SERINC5: variants seen among roughly 807,000 people sequenced by gnomAD.
SERINC5 encodes the protein serine incorporator 5, also known as chromosome 5 open reading frame 12.
In SERINC5, 41 loss-of-function variants were observed where a neutral mutation model predicts 63.1. The observed-to-expected ratio is 0.65, with a 90% CI of 0.51 to 0.84. The LOEUF is 0.84. Among genes scored for constraint, SERINC5 ranks in the 40% least tolerant of loss-of-function variants. SERINC5 has a pLI of 0.00. For missense variants in SERINC5, 523 were observed against 573.0 expected (o/e 0.91, Z 0.89); for synonymous variants, 222 against 215.2 (o/e 1.03, Z -0.28).
chr5:80,140,600 C>A lies in SERINC5; in HGVS notation c.*3063G>T. On this transcript the variant is annotated 3_prime_UTR_variant, in exon 12 of 12. Coordinates refer to ENST00000507668, the MANE Select transcript of SERINC5 (RefSeq NM_001174072.3). ...AAACTGTGGGCAAAAATAAAACTAA[C>A]CAATCAGTATTTAAAAAGCTAGACA... is the stretch of plus-strand genomic sequence containing the variant. 1.0e-6 allele frequency: 1 copy of A among 984,622 alleles called. No individual in the cohort carries two copies. Among genetic ancestry groups the A allele is most frequent in the Non-Finnish European group, 1.2e-6 (1 of 829,824 alleles). The allele number at this position is 984,622 out of a possible 1,614,324, so 61.0% of individuals were successfully genotyped here.
At chr5:80,242,070 A>G (rs1031531022) in intron 1 of SERINC5, among the ~76,000 whole-genome samples, 1 of 152,010 alleles carries the variant, frequency 6.6e-6, no homozygotes, top group African/African-American at 2.4e-5. Flanking sequence ...CATTGAAGGT[A>G]TAGTGAGCTG....
At chr5:80,191,353 G>A (rs6859002) in intron 2 of SERINC5, among the ~76,000 whole-genome samples, 53,392 of 151,468 alleles carry the variant, frequency 0.35, 10,146 homozygotes, top group East Asian at 0.8. Context: ...ATAAAAAGAT[G>A]ACTGGCTGGG....
chr5:80,227,372 T>C (rs1751215326), intron 1 of SERINC5, among the ~76,000 whole-genome samples: 1 of 152,138 alleles, frequency 6.6e-6, no homozygotes, highest in African/African-American at 2.4e-5. Flanking sequence ...AGATAGGAAC[T>C]CAGTCAGCCA....
intron 2 of SERINC5, among the ~76,000 whole-genome samples, chr5:80,179,254 G>A (rs754131417): frequency 6.6e-5 from 10 of 152,104 alleles, no homozygotes; most frequent in African/African-American, 1.2e-4. Context: ...AGCCGAGATC[G>A]TGACACTGCA....
At chr5:80,172,198 T>G (rs1314924230) in intron 5 of SERINC5, among the ~76,000 whole-genome samples, 1 of 151,878 alleles carries the variant, frequency 6.6e-6, no homozygotes, top group East Asian at 1.9e-4. Context: ...GGCGTGGTGG[T>G]GCATGCCTGT....
At chr5:80,166,160 T>C (rs571946785) in intron 7 of SERINC5, among the ~76,000 whole-genome samples, 21 of 152,194 alleles carry the variant, frequency 1.4e-4, no homozygotes, top group Non-Finnish European at 2.2e-4. Context: ...AATTTGACTA[T>C]AGTCACCCTG....
In SERINC5 at chr5:80,140,920, G is replaced by A. The variant is rs187094713; in HGVS notation, c.*2743C>T. On this transcript the variant is annotated 3_prime_UTR_variant, in exon 12 of 12. Coordinates refer to ENST00000507668, the MANE Select transcript of SERINC5 (RefSeq NM_001174072.3). The stretch of plus-strand genomic sequence containing the variant: ...GGTCATGTACAAAAAGGTGTAGGAA[G>A]CAAATGTCTATTATTTTTAAAAGAT... 4.8e-5 allele frequency: 47 copies of A among 985,218 alleles called. No individual in the cohort carries two copies. In the Admixed American group the frequency reaches 6.1e-4, roughly 13 times the overall value. The allele number at this position is 985,218 out of a possible 1,614,324, so 61.0% of individuals were successfully genotyped here. A position where few individuals can be genotyped will look rare whatever the true frequency, so the allele number is the denominator to read the frequency against.
chr5:80,229,483 C>A (rs1279754900), intron 1 of SERINC5, among the ~76,000 whole-genome samples: 1 of 151,526 alleles, frequency 6.6e-6, no homozygotes, highest in East Asian at 1.9e-4. Flanking sequence ...AGAATTTGAA[C>A]TCACCTACAT....
chr5:80,150,187 G>T (rs1426531649), intron 9 of SERINC5, among the ~76,000 whole-genome samples: 1 of 152,150 alleles, frequency 6.6e-6, no homozygotes, highest in African/African-American at 2.4e-5. Context: ...CAGCCACGCT[G>T]TGTATGGAGG....
chr5:80,118,714 ATTT>A (rs34814066), intron 11 of SERINC5, among the ~76,000 whole-genome samples: 6 of 108,232 alleles, frequency 5.5e-5, no homozygotes, highest in Middle Eastern at 5.1e-3. Context: ...TGTCCAGCTA[ATTT>A]TTTTTTTTTT....
At chr5:80,164,908 C>CTTTTTTT (rs1747171665) in intron 7 of SERINC5, among the ~76,000 whole-genome samples, 22 of 89,980 alleles carry the variant, frequency 2.4e-4, no homozygotes, top group African/African-American at 1.0e-3. Flanking sequence ...AACTTTTTTT[C>CTTTTTTT]TGTTTTTTTT....
intron 8 of SERINC5, among the ~76,000 whole-genome samples, chr5:80,155,951 C>T (rs1397990505): frequency 6.6e-6 from 1 of 151,900 alleles, no homozygotes; most frequent in Non-Finnish European, 1.5e-5. Flanking sequence ...AGGCTACAAA[C>T]ATTAAAACAT....
At chr5:80,117,338 C>T (rs1438166860) in intron 11 of SERINC5, among the ~76,000 whole-genome samples, 1 of 152,082 alleles carries the variant, frequency 6.6e-6, no homozygotes, top group Non-Finnish European at 1.5e-5. Flanking sequence ...TTGGCACCTA[C>T]CTCATAGAAT....
In SERINC5 at chr5:80,140,836, C is replaced by G; in HGVS notation, c.*2827G>C. On this transcript the variant is annotated 3_prime_UTR_variant, in exon 12 of 12. Coordinates refer to ENST00000507668, the MANE Select transcript of SERINC5 (RefSeq NM_001174072.3). ...ATTCACATGCAGCTTTAAAAAAGTC[C>G]TCTTCAACTGTCATCCCTAAATGTG... The G allele has an allele frequency of 1.0e-6, 1 of 985,360 alleles. No homozygotes were observed. The highest frequency in any genetic ancestry group is 1.7e-5 in the African/African-American group (1 of 57,332). The allele number at this position is 985,360 out of a possible 1,614,324, so 61.0% of individuals were successfully genotyped here.
At chr5:80,150,189 G>A (rs1198026082) in intron 9 of SERINC5, among the ~76,000 whole-genome samples, 1 of 152,142 alleles carries the variant, frequency 6.6e-6, no homozygotes, top group Non-Finnish European at 1.5e-5. Context: ...GCCACGCTGT[G>A]TATGGAGGGC....
chr5:80,161,219 A>G (rs1258679842), intron 7 of SERINC5, among the ~76,000 whole-genome samples: 1 of 152,086 alleles, frequency 6.6e-6, no homozygotes, highest in East Asian at 1.9e-4. Context: ...GCTACCCAGT[A>G]GTGGGATTGC....
rs144418677 is a variant in SERINC5, at chr5:80,147,876, T to C, written c.1054-592A>G. On this transcript the variant is annotated intron_variant, in intron 9 of 11. Coordinates refer to ENST00000507668, the MANE Select transcript of SERINC5 (RefSeq NM_001174072.3). ...CTCTTTGACCTTTGCATTGGGCTTATTATTATCCTGTGTACAGCTGAGGAA... is the reference window on the plus strand; with the variant it reads ...CTCTTTGACCTTTGCATTGGGCTTACTATTATCCTGTGTACAGCTGAGGAA... Among the ~76,000 whole-genome samples, 14 of 152,320 alleles carry C rather than the reference T, an allele frequency of 9.2e-5. No homozygotes were observed. The East Asian group carries it at 2.5e-3, about 27-fold the overall frequency.
At chr5:80,208,965 C>T (rs181310192) in intron 1 of SERINC5, among the ~76,000 whole-genome samples, 2 of 152,244 alleles carry the variant, frequency 1.3e-5, no homozygotes, top group Non-Finnish European at 2.9e-5. Flanking sequence ...GCAGATAGGG[C>T]CTTTAAAAAG....
chr5:80,218,003 A>T (rs1239619766), intron 1 of SERINC5, among the ~76,000 whole-genome samples: 1 of 152,190 alleles, frequency 6.6e-6, no homozygotes, highest in African/African-American at 2.4e-5. Flanking sequence ...TGGGTTCCAC[A>T]CTTCTGTATC....
Sources: allele counts gnomAD v4.1 joint callset (sites outside exome capture counted in the v4.1 genomes callset), GRCh38; gene constraint gnomAD v4.1.1; transcripts MANE v1.5; gene names NCBI Gene and HGNC (gene_info 2026-07-23, HGNC 2026-07-21).